Variants in IL1RAPL1 observed in about 807,000 individuals in gnomAD.
The protein encoded by IL1RAPL1 is interleukin-1 receptor accessory protein-like 1.
A neutral mutation model predicts 48.4 loss-of-function variants in IL1RAPL1; 3 were observed. The observed-to-expected ratio is 0.06, with a 90% CI of 0.03 to 0.16. The LOEUF is 0.16. IL1RAPL1 is among the 10% of genes least tolerant of loss of function. IL1RAPL1 has a pLI of 1.00. For missense variants in IL1RAPL1, 349 were observed against 530.6 expected (o/e 0.66, Z 3.36); for synonymous variants, 185 against 187.7 (o/e 0.99, Z 0.12).
At chrX:29,000,844 T>C (rs755549058) in intron 2 of IL1RAPL1, among the ~76,000 whole-genome samples, 1 of 110,399 alleles carries the variant, frequency 9.1e-6, no homozygotes, top group African/African-American at 3.3e-5. Context: ...TTTTTTTTTT[T>C]TCCAAAAAGG....
rs754160495 is a variant in IL1RAPL1, at chrX:29,955,622, C to T, written c.1893C>T (p.Asp631=). The change falls in exon 11 of 11, where the codon GAC becomes GAT. Residue 631 remains aspartate (D), a synonymous_variant. Transcript: ENST00000378993. The part of the protein sequence containing the change: ...QKHYYRSYEY[D]VPPTGTLPLT... The stretch of plus-strand genomic sequence containing the variant: ...ACTACTACCGAAGCTATGAGTACGA[C>T]GTACCTCCTACCGGCACCCTGCCTC... 9.9e-6 allele frequency: 12 copies of T among 1,207,380 alleles called. No homozygotes were observed. The East Asian group carries it at 2.7e-4, about 27-fold the overall frequency.
At chrX:28,893,749 C>T (rs747917305) in intron 2 of IL1RAPL1, among the ~76,000 whole-genome samples, 13 of 111,601 alleles carry the variant, frequency 1.2e-4, no homozygotes, top group Non-Finnish European at 1.9e-4. Flanking sequence ...TTCTAAGAGA[C>T]GGGCTAGCGG....
chrX:29,426,599 A>C (rs2223496), intron 5 of IL1RAPL1, among the ~76,000 whole-genome samples: 2 of 111,884 alleles, frequency 1.8e-5, no homozygotes, highest in African/African-American at 6.5e-5. Flanking sequence ...TAGTTTCTTC[A>C]TCTGAAATGT....
chrX:29,851,890 A>G (rs779980036), intron 6 of IL1RAPL1, among the ~76,000 whole-genome samples: 4 of 112,757 alleles, frequency 3.5e-5, no homozygotes, highest in African/African-American at 1.3e-4. Context: ...TTACTTTAAC[A>G]AATATATATA....
At chrX:28,678,085 G>T (rs1365032558) in intron 1 of IL1RAPL1, among the ~76,000 whole-genome samples, 1 of 111,714 alleles carries the variant, frequency 9.0e-6, no homozygotes, top group African/African-American at 3.3e-5. Flanking sequence ...TTGATTGAAT[G>T]CTAGCAGATG....
At chrX:28,743,730 G>A (rs992015538) in intron 1 of IL1RAPL1, among the ~76,000 whole-genome samples, 2 of 85,357 alleles carry the variant, frequency 2.3e-5, no homozygotes, top group African/African-American at 3.9e-5. Flanking sequence ...GAAACCATTC[G>A]TTTGCTTATT....
rs779624124 is a variant in IL1RAPL1 at position 29,708,899 on chromosome X, T to A, written c.778+40395T>A. Among the ~76,000 whole-genome samples the A allele has an allele frequency of 1.9e-4, 21 of 112,464 alleles. No homozygotes were observed. In the Admixed American group the frequency reaches 2.0e-3, roughly 11 times the overall value. On this transcript the variant is annotated intron_variant, in intron 6 of 10. Transcript: ENST00000378993. ...ACACTTGTTATCATTCCTCTTTTGA[T>A]AATACTCATTCTAACAGGTGTGAGG...
chrX:28,820,431 A>G (rs762115466), intron 2 of IL1RAPL1, among the ~76,000 whole-genome samples: 1 of 110,913 alleles, frequency 9.0e-6, no homozygotes, highest in African/African-American at 3.3e-5. Context: ...GATGTTTCTC[A>G]CTTACCTGAG....
At chrX:28,917,288 A>G (rs1923511552) in intron 2 of IL1RAPL1, among the ~76,000 whole-genome samples, 1 of 111,918 alleles carries the variant, frequency 8.9e-6, no homozygotes, top group Admixed American at 9.5e-5. Context: ...TATTGTAGCA[A>G]GGGAAAATAT....
intron 6 of IL1RAPL1, among the ~76,000 whole-genome samples, chrX:29,823,441 G>C (rs1050857799): frequency 1.8e-5 from 2 of 111,684 alleles, no homozygotes; most frequent in Non-Finnish European, 3.8e-5. Context: ...TGGAAATCAG[G>C]CATCCAAAAG....
intron 2 of IL1RAPL1, among the ~76,000 whole-genome samples, chrX:28,828,524 T>C (rs1920986653): frequency 8.9e-6 from 1 of 111,925 alleles, no homozygotes; most frequent in African/African-American, 3.2e-5. Flanking sequence ...AATTGTCTTG[T>C]TAGCCATATC....
intron 3 of IL1RAPL1, among the ~76,000 whole-genome samples, chrX:29,322,721 A>C (rs1205857682): frequency 9.0e-6 from 1 of 111,604 alleles, no homozygotes; most frequent in Non-Finnish European, 1.9e-5. Flanking sequence ...TCTTTGGCTC[A>C]AGTATGGCTT....
intron 2 of IL1RAPL1, among the ~76,000 whole-genome samples, chrX:28,843,293 T>C (rs1319350258): frequency 9.1e-6 from 1 of 110,044 alleles, no homozygotes; most frequent in East Asian, 2.8e-4. Flanking sequence ...TTATTTTCTG[T>C]CTTATAAAAA....
At chrX:29,638,178 C>T (rs921240555) in intron 5 of IL1RAPL1, among the ~76,000 whole-genome samples, 3 of 111,017 alleles carry the variant, frequency 2.7e-5, no homozygotes, top group South Asian at 3.8e-4. Flanking sequence ...GCTGAATGAA[C>T]GGTGACATTT....
chrX:29,175,398 T>G (rs2147516107), intron 2 of IL1RAPL1, among the ~76,000 whole-genome samples: 1 of 112,327 alleles, frequency 8.9e-6, no homozygotes, highest in South Asian at 3.7e-4. Flanking sequence ...TTAATCAGTT[T>G]ATTATTTCTT....
chrX:29,844,484 G>A (rs1931205256), intron 6 of IL1RAPL1, among the ~76,000 whole-genome samples: 1 of 111,227 alleles, frequency 9.0e-6, no homozygotes, highest in African/African-American at 3.3e-5. Context: ...CTGTAAATGT[G>A]ATCTTATATG....
chrX:28,868,888 G>A (rs1003608383), intron 2 of IL1RAPL1, among the ~76,000 whole-genome samples: 3 of 111,597 alleles, frequency 2.7e-5, no homozygotes, highest in Admixed American at 9.6e-5. Context: ...TGTATTGATC[G>A]TTGATTTTAT....
intron 2 of IL1RAPL1, among the ~76,000 whole-genome samples, chrX:29,067,106 T>A (rs1174772581): frequency 1.8e-5 from 2 of 111,706 alleles, no homozygotes; most frequent in Non-Finnish European, 3.8e-5. Context: ...TTTGTTTGTT[T>A]GTTTTTAATA....
At chrX:28,939,219 AG>A (rs1213597065) in intron 2 of IL1RAPL1, among the ~76,000 whole-genome samples, 1 of 111,066 alleles carries the variant, frequency 9.0e-6, no homozygotes, top group Non-Finnish European at 1.9e-5. Flanking sequence ...TCTACCATAA[AG>A]ACACATGCAT....
Sources: gnomAD v4.1 joint callset for allele counts (sites outside exome capture counted in the v4.1 genomes callset) on GRCh38, gnomAD v4.1.1 for gene constraint, MANE v1.5 for transcripts, NCBI Gene and HGNC (gene_info 2026-07-23, HGNC 2026-07-21) for gene names.